PDE4B: variants seen among roughly 807,000 people sequenced by gnomAD.
The protein encoded by PDE4B is 3',5'-cyclic-AMP phosphodiesterase 4B.
PDE4B carries 20 observed loss-of-function variants against 82.2 expected under a neutral mutation model. The ratio of observed to expected loss-of-function variants is 0.24; its 90% CI spans 0.17 to 0.35. PDE4B has a LOEUF of 0.35. Among genes scored for constraint, PDE4B ranks in the 10% least tolerant of loss-of-function variants. The pLI, the probability that PDE4B is intolerant of heterozygous loss-of-function variation, is 1.00. For missense variants in PDE4B, 655 were observed against 907.2 expected, an observed-to-expected ratio of 0.72 and a Z score of 3.57; for synonymous variants, 320 against 318.9, an observed-to-expected ratio of 1.00 and a Z score of -0.04.
chr1:65,905,649 T>C (rs1041002912), intron 1 of PDE4B, among the ~76,000 whole-genome samples: 5 of 151,604 alleles, frequency 3.3e-5, no homozygotes, highest in African/African-American at 1.2e-4. Context: ...AGAGGGGGAG[T>C]GGAAGGGCTT....
intron 3 of PDE4B, among the ~76,000 whole-genome samples, chr1:65,983,695 C>T (rs745525196): frequency 1.3e-5 from 2 of 152,220 alleles, no homozygotes; most frequent in Non-Finnish European, 2.9e-5. Flanking sequence ...TCAGAGGAGC[C>T]GATTCTGCTG....
chr1:65,949,967 A>G (rs551490773), intron 3 of PDE4B, among the ~76,000 whole-genome samples: 1 of 152,178 alleles, frequency 6.6e-6, no homozygotes, highest in South Asian at 2.1e-4. Flanking sequence ...ACTGAGATCC[A>G]GCTTTCTCTG....
intron 1 of PDE4B, among the ~76,000 whole-genome samples, chr1:65,840,475 TAA>T (rs1646194604): frequency 6.6e-6 from 1 of 152,218 alleles, no homozygotes; most frequent in African/African-American, 2.4e-5. Flanking sequence ...TATAACTTTT[TAA>T]AAGTTTGTTT....
chr1:66,099,100 G>T (rs1645170768), intron 3 of PDE4B, among the ~76,000 whole-genome samples: 1 of 152,100 alleles, frequency 6.6e-6, no homozygotes, highest in African/African-American at 2.4e-5. Context: ...GTGCTATGGT[G>T]GTTTGCTGCA....
chr1:66,113,325 T>A (rs1178848950), intron 3 of PDE4B, among the ~76,000 whole-genome samples: 2 of 152,216 alleles, frequency 1.3e-5, no homozygotes, highest in African/African-American at 4.8e-5. Context: ...AACATCAATT[T>A]ACATTATTTT....
At chr1:66,007,450 A>AC (rs200296210) in intron 3 of PDE4B, among the ~76,000 whole-genome samples, 611 of 150,620 alleles carry the variant, frequency 4.1e-3, no homozygotes, top group Non-Finnish European at 5.8e-3. Context: ...GAACAAAACA[A>AC]CCCCCCCCAA....
chr1:65,896,097 C>CAT (rs922299201), intron 1 of PDE4B, among the ~76,000 whole-genome samples: 3 of 151,748 alleles, frequency 2.0e-5, no homozygotes, highest in African/African-American at 7.3e-5. Flanking sequence ...TTTATATATG[C>CAT]ATGTGTGTGT....
At chr1:65,942,307 G>A (rs917465816) in intron 3 of PDE4B, among the ~76,000 whole-genome samples, 13 of 151,720 alleles carry the variant, frequency 8.6e-5, no homozygotes, top group African/African-American at 2.4e-4. Context: ...CTTATTTCAC[G>A]TAACATAATG....
chr1:65,845,744 G>A (rs950959589), intron 1 of PDE4B, among the ~76,000 whole-genome samples: 2 of 152,094 alleles, frequency 1.3e-5, no homozygotes. Context: ...GGTCCTCGGG[G>A]TGTCAGCTTT....
intron 3 of PDE4B, among the ~76,000 whole-genome samples, chr1:65,947,251 C>T (rs116256133): frequency 0.011 from 1,706 of 152,152 alleles, 35 homozygotes; most frequent in African/African-American, 0.04. Context: ...GAACTTCTTC[C>T]GATCCTTCTT....
intron 16 of PDE4B, among the ~76,000 whole-genome samples, chr1:66,371,032 A>T (rs1035515678): frequency 5.0e-4 from 73 of 145,520 alleles, no homozygotes; most frequent in Admixed American, 1.1e-3. Flanking sequence ...ATATATATAT[A>T]TCATACATAT....
rs543325413 is a variant in PDE4B at position 66,329,855 on chromosome 1, T to C, written c.635-2653T>C. Among the ~76,000 whole-genome samples, 4 of 152,358 alleles carry C rather than the reference T, an allele frequency of 2.6e-5. No homozygotes were observed. The East Asian group carries it at 7.7e-4, about 29-fold the overall frequency. ...AATCTGGTGCTTTTTTTCACAGTGC[T>C]ACAGATGGACCATTCAGCCTTCAGG... On this transcript the variant is annotated intron_variant, in intron 7 of 16. Coordinates refer to ENST00000341517, the MANE Select transcript of PDE4B (RefSeq NM_002600.4).
chr1:66,340,016 C>T (rs1221268322), intron 8 of PDE4B, among the ~76,000 whole-genome samples: 1 of 152,180 alleles, frequency 6.6e-6, no homozygotes, highest in Non-Finnish European at 1.5e-5. Flanking sequence ...ATAGCTCAGA[C>T]ATCTGGAAGC....
intron 7 of PDE4B, among the ~76,000 whole-genome samples, chr1:66,289,302 C>T (rs1281022750): frequency 6.6e-6 from 1 of 152,012 alleles, no homozygotes; most frequent in Non-Finnish European, 1.5e-5. Flanking sequence ...GACTTCCTCT[C>T]TTTTGGACCA....
intron 1 of PDE4B, among the ~76,000 whole-genome samples, chr1:65,805,919 C>T (rs1645749868): frequency 1.3e-5 from 2 of 152,242 alleles, no homozygotes; most frequent in South Asian, 2.1e-4. Flanking sequence ...TTTGAAATTT[C>T]AAGATTATGT....
chr1:65,959,382 G>T (rs2100592736), intron 3 of PDE4B, among the ~76,000 whole-genome samples: 1 of 152,154 alleles, frequency 6.6e-6, no homozygotes, highest in African/African-American at 2.4e-5. Context: ...ATATTACTGA[G>T]AAATAGGTAG....
intron 3 of PDE4B, among the ~76,000 whole-genome samples, chr1:66,081,876 A>G (rs1208180465): frequency 6.7e-6 from 1 of 150,172 alleles, no homozygotes; most frequent in African/African-American, 2.5e-5. Context: ...GTAGCTATGA[A>G]TACTCTGGAT....
chr1:66,291,958 T>C (rs1657119615), intron 7 of PDE4B, among the ~76,000 whole-genome samples: 1 of 152,144 alleles, frequency 6.6e-6, no homozygotes, highest in Non-Finnish European at 1.5e-5. Context: ...AAATGAGGGA[T>C]ATATGGATTT....
intron 8 of PDE4B, among the ~76,000 whole-genome samples, chr1:66,352,507 C>G (rs374357145): frequency 1.3e-5 from 2 of 152,140 alleles, no homozygotes; most frequent in East Asian, 3.8e-4. Flanking sequence ...AGAAAATAAA[C>G]AGAGAAATCT....
Sources: gnomAD v4.1 joint callset for allele counts (sites outside exome capture counted in the v4.1 genomes callset) on GRCh38, gnomAD v4.1.1 for gene constraint, MANE v1.5 for transcripts, NCBI Gene and HGNC (gene_info 2026-07-23, HGNC 2026-07-21) for gene names.